The following USP48 variants were observed in gnomAD, a reference collection of about 807,000 sequenced individuals.
USP48 encodes ubiquitin specific peptidase 48.
A neutral mutation model predicts 150.7 loss-of-function variants in USP48; 43 were observed. That is an observed-to-expected ratio of 0.29 (90% confidence interval 0.22 to 0.37). The LOEUF is 0.37. USP48 is among the 10% of genes least tolerant of loss of function. The pLI is 1.00. For missense variants in USP48, 813 were observed against 1,249.6 expected, an observed-to-expected ratio of 0.65 and a Z score of 5.27; for synonymous variants, 396 against 425.9, an observed-to-expected ratio of 0.93 and a Z score of 0.86.
At position 21,724,036 on chromosome 1, in the gene USP48, T is replaced by C; in HGVS notation, c.1510A>G (p.Thr504Ala). 4 of 1,614,228 alleles carry C rather than the reference T, an allele frequency of 2.5e-6. No homozygotes were observed. The highest frequency in any genetic ancestry group is 3.4e-6 in the Non-Finnish European group (4 of 1,180,052). The change falls in exon 12 of 27, where the codon ACC (threonine) becomes GCC (alanine). Residue 504 changes from threonine (T) to alanine (A), a missense_variant. Transcript: ENST00000308271. The part of the protein sequence containing the change: ...LQKWLDESTP[T>A]KPIDNHACLC... ...CAAGCGTGATTATCAATAGGTTTGGTAGGTGTTGATTCATCCAACCACTTT... is the reference window on the plus strand; with the variant it reads ...CAAGCGTGATTATCAATAGGTTTGGCAGGTGTTGATTCATCCAACCACTTT...
At chr1:21,699,613 A>G (rs547801379) in intron 22 of USP48, among the ~76,000 whole-genome samples, 23 of 151,222 alleles carry the variant, frequency 1.5e-4, no homozygotes, top group Non-Finnish European at 2.7e-4. Flanking sequence ...TCCTGGGTTC[A>G]TGCCATTCTT....
At chr1:21,752,000 G>C (rs2097816253) in intron 5 of USP48, among the ~76,000 whole-genome samples, 1 of 134,230 alleles carries the variant, frequency 7.4e-6, no homozygotes, top group Admixed American at 8.2e-5. Context: ...CTGGGCAACA[G>C]AGCAAGAGTC....
intron 18 of USP48, 96 bp downstream of exon 18, chr1:21,706,030 G>A (rs567371907): frequency 7.5e-7 from 1 of 1,332,634 alleles, no homozygotes; most frequent in Admixed American, 2.0e-5. Flanking sequence ...AACCATGAAG[G>A]AAGGGTACAA....
chr1:21,692,014 G>A (rs1479179325), intron 23 of USP48, among the ~76,000 whole-genome samples: 1 of 152,142 alleles, frequency 6.6e-6, no homozygotes, highest in Non-Finnish European at 1.5e-5. Context: ...CTTGAACTGT[G>A]TGTGTAACAG....
chr1:21,779,524 C>A (rs1208618800), intron 1 of USP48, among the ~76,000 whole-genome samples: 1 of 151,364 alleles, frequency 6.6e-6, no homozygotes, highest in Non-Finnish European at 1.5e-5. Flanking sequence ...CCAGCCTGGG[C>A]AACACAGAGA....
chr1:21,703,468 C>A (rs772808509), intron 21 of USP48, 44 bp downstream of exon 21: 1 of 1,482,794 alleles, frequency 6.7e-7, no homozygotes, highest in Non-Finnish European at 9.4e-7. Flanking sequence ...AGCCAAAGAG[C>A]ACGCTTGATC....
In USP48 at chr1:21,752,224, T is replaced by G. The variant is rs114305708; in HGVS notation, c.665+303A>C. ...TCATGCACATTTTTTTAACAGGCAT[T>G]TTACATTTACTTTTAGTATTCTAGC... On this transcript the variant is annotated intron_variant, in intron 5 of 26. Transcript: ENST00000308271. Among the ~76,000 whole-genome samples, 459 of 152,202 alleles carry G rather than the reference T, an allele frequency of 3.0e-3. 7 individuals are homozygous for G. Among genetic ancestry groups the G allele is most frequent in the African/African-American group, 0.011 (437 of 41,530 alleles).
chr1:21,699,831 C>CAT (rs2097649991), intron 22 of USP48, among the ~76,000 whole-genome samples: 1 of 151,034 alleles, frequency 6.6e-6, no homozygotes, highest in African/African-American at 2.4e-5. Flanking sequence ...CACACACACA[C>CAT]ACTTTTAATA....
intron 15 of USP48, 83 bp from the exon 16 acceptor site, chr1:21,706,951 A>G (rs771359547): frequency 7.0e-7 from 1 of 1,435,514 alleles, no homozygotes; most frequent in Non-Finnish European, 9.4e-7. Flanking sequence ...TAAACTTAAG[A>G]AAAATCCACA....
At chr1:21,732,606 C>T in intron 9 of USP48, 1 of 222,792 alleles carries the variant, frequency 4.5e-6, no homozygotes, top group Non-Finnish European at 9.4e-6. Flanking sequence ...TTAAAAACAG[C>T]ACTCTATCCA....
chr1:21,714,936 G>A (rs1047688006), intron 15 of USP48, among the ~76,000 whole-genome samples: 1 of 152,232 alleles, frequency 6.6e-6, no homozygotes, highest in Non-Finnish European at 1.5e-5. Context: ...TTAAAAATTA[G>A]CTGGGTGTGA....
chr1:21,754,878 C>T (rs1168805033), intron 3 of USP48, among the ~76,000 whole-genome samples: 2 of 152,172 alleles, frequency 1.3e-5, no homozygotes, highest in African/African-American at 2.4e-5. Flanking sequence ...CCCAGGGAGG[C>T]ATCTCAGCAC....
intron 6 of USP48, among the ~76,000 whole-genome samples, chr1:21,749,756 C>T (rs1435794772): frequency 1.3e-5 from 2 of 152,070 alleles, no homozygotes; most frequent in East Asian, 1.9e-4. Context: ...CTGTTCAACA[C>T]CAAGCCTGGT....
At chr1:21,697,366 T>C (rs977021470) in intron 22 of USP48, among the ~76,000 whole-genome samples, 4 of 150,682 alleles carry the variant, frequency 2.7e-5, no homozygotes, top group Non-Finnish European at 4.4e-5. Context: ...GTCTCGACTG[T>C]TGAAAGAAAA....
chr1:21,744,868 C>A (rs2097790885), intron 8 of USP48, among the ~76,000 whole-genome samples: 1 of 145,160 alleles, frequency 6.9e-6, no homozygotes, highest in African/African-American at 2.5e-5. Flanking sequence ...GGCTAATGTT[C>A]AAAAATGAGG....
intron 26 of USP48, among the ~76,000 whole-genome samples, chr1:21,680,150 GT>G (rs1172550995): frequency 6.6e-6 from 1 of 152,216 alleles, no homozygotes; most frequent in Non-Finnish European, 1.5e-5. Context: ...GGAATAGCTG[GT>G]ATGTGATTCA....
chr1:21,766,053 T>C (rs1363107193), intron 1 of USP48, among the ~76,000 whole-genome samples: 1 of 151,622 alleles, frequency 6.6e-6, no homozygotes, highest in Non-Finnish European at 1.5e-5. Context: ...AAATCTGGAA[T>C]GATGCCCAAA....
rs1032522158 is a variant in USP48 at position 21,721,283 on chromosome 1, C to A, written c.1764-117G>T. 3.3e-4 allele frequency: 458 copies of A among 1,372,594 alleles called. 1 individual carries two copies. The highest frequency in any genetic ancestry group is 3.8e-4 in the Non-Finnish European group (393 of 1,021,694). 85.0% of individuals were successfully genotyped at this position (1,372,594 alleles called of 1,614,324 possible). A position where few individuals can be genotyped will look rare whatever the true frequency, so the allele number is the denominator to read the frequency against. ...CAAACACTCAACATCAGCTACTGTACATGTAATTGATTTTAACCCACTTCC... is the reference window on the plus strand; with the variant it reads ...CAAACACTCAACATCAGCTACTGTAAATGTAATTGATTTTAACCCACTTCC... On this transcript the variant is annotated intron_variant, in intron 13 of 26. Transcript: ENST00000308271.
At chr1:21,694,486 C>T (rs1442338001) in intron 23 of USP48, among the ~76,000 whole-genome samples, 1 of 139,370 alleles carries the variant, frequency 7.2e-6, no homozygotes, top group Admixed American at 7.8e-5. Flanking sequence ...CAGAGAACTG[C>T]TTGAACCCGG....
Sources: allele counts gnomAD v4.1 joint callset (sites outside exome capture counted in the v4.1 genomes callset), GRCh38; gene constraint gnomAD v4.1.1; transcripts MANE v1.5; gene names NCBI Gene and HGNC (gene_info 2026-07-23, HGNC 2026-07-21).